Variants in KSR1 observed in about 807,000 individuals in gnomAD.
KSR1 encodes kinase suppressor of ras.
KSR1 carries 35 observed loss-of-function variants against 92.9 expected under a neutral mutation model. The observed-to-expected ratio is 0.38, with a 90% CI of 0.29 to 0.50. The LOEUF (loss-of-function observed/expected upper bound fraction) is 0.50. Ranked by LOEUF, KSR1 falls within the 20% of genes least tolerant of loss-of-function variation. KSR1 has a pLI of 0.94. For synonymous variants in KSR1, 467 were observed against 472.6 expected (o/e 0.99, Z 0.15); for missense variants, 972 against 1,158.5 (o/e 0.84, Z 2.34).
chr17:27,529,872 G>C (rs1479752219), intron 1 of KSR1, among the ~76,000 whole-genome samples: 1 of 152,162 alleles, frequency 6.6e-6, no homozygotes, highest in Non-Finnish European at 1.5e-5. Context: ...CCTTGTCAAA[G>C]ACACTTTTGC....
chr17:27,504,625 C>T lies in KSR1; in HGVS notation c.232-45943C>T, dbSNP rs190779779. ...TGAGTTTCACATGGGCAGGAAGCACCGCAGTCCTGAGGGACTCCATGAGGG... is the reference window on the plus strand; with the variant it reads ...TGAGTTTCACATGGGCAGGAAGCACTGCAGTCCTGAGGGACTCCATGAGGG... On this transcript the variant is annotated intron_variant, in intron 1 of 20. Transcript: ENST00000644974. Among the ~76,000 whole-genome samples, 323 of 152,256 alleles carry T rather than the reference C, an allele frequency of 2.1e-3. 6 individuals carry two copies. Among genetic ancestry groups the T allele is most frequent in the Admixed American group, 1.5e-3 (23 of 15,290 alleles).
intron 14 of KSR1, among the ~76,000 whole-genome samples, chr17:27,607,113 T>C (rs2073779197): frequency 6.6e-6 from 1 of 152,166 alleles, no homozygotes; most frequent in African/African-American, 2.4e-5. Flanking sequence ...ATTACAGGCG[T>C]GAGCCACTGT....
Position 27,499,331 on chromosome 17 carries a change from T to G in KSR1, c.231+42457T>G, listed in dbSNP as rs564024096. ...CCTAGGACTTATTTTCCTGGGCACT[T>G]GGGAACCTGGTTATTACCATCACAG... On this transcript the variant is annotated intron_variant, in intron 1 of 20. Coordinates refer to ENST00000644974, the MANE Select transcript of KSR1 (RefSeq NM_001394583.1). Among the ~76,000 whole-genome samples the G allele has an allele frequency of 1.2e-4, 18 of 152,302 alleles. 1 individual carries two copies. Among genetic ancestry groups the G allele is most frequent in the African/African-American group, 4.3e-4 (18 of 41,554 alleles).
chr17:27,611,673 G>A (rs1567889717), intron 18 of KSR1, 44 bp downstream of exon 18: 1 of 1,611,146 alleles, frequency 6.2e-7, no homozygotes, highest in Non-Finnish European at 8.5e-7. Flanking sequence ...GCTGGAGGTG[G>A]GGTGGGGCAT....
At chr17:27,458,408 CTG>C (rs2019282028) in intron 1 of KSR1, among the ~76,000 whole-genome samples, 1 of 152,204 alleles carries the variant, frequency 6.6e-6, no homozygotes, top group East Asian at 1.9e-4. Flanking sequence ...AGAATGCTCT[CTG>C]TGTTGGCCTC....
chr17:27,500,836 C>T (rs960409854), intron 1 of KSR1, among the ~76,000 whole-genome samples: 1 of 152,110 alleles, frequency 6.6e-6, no homozygotes. Context: ...GGGTCCGGAC[C>T]CTGACTCTGC....
At chr17:27,484,502 G>A (rs1004518409) in intron 1 of KSR1, among the ~76,000 whole-genome samples, 5 of 152,206 alleles carry the variant, frequency 3.3e-5, no homozygotes, top group East Asian at 1.9e-4. Context: ...CATTACAGGC[G>A]TGAGCCACCA....
At chr17:27,481,457 A>G (rs769376355) in intron 1 of KSR1, among the ~76,000 whole-genome samples, 1 of 152,262 alleles carries the variant, frequency 6.6e-6, no homozygotes, top group Non-Finnish European at 1.5e-5. Context: ...CATACGTGCC[A>G]TATTTTAGCT....
chr17:27,493,088 A>C (rs990958611), intron 1 of KSR1, among the ~76,000 whole-genome samples: 1 of 152,208 alleles, frequency 6.6e-6, no homozygotes, highest in Non-Finnish European at 1.5e-5. Context: ...CATTCTGCTG[A>C]TGATGATCAT....
Position 27,609,159 on chromosome 17 carries a change from C to T in KSR1, c.2092-37C>T, listed in dbSNP as rs745619063. The stretch of plus-strand genomic sequence containing the variant: ...CAGCCCAGGGTGGCACCTCCGTCAT[C>T]GTTGCACATCTTCACTCCTCCTGAT... On this transcript the variant is annotated intron_variant, in intron 15 of 20. Coordinates refer to ENST00000644974, the MANE Select transcript of KSR1 (RefSeq NM_001394583.1). 2.8e-5 allele frequency: 45 copies of T among 1,594,512 alleles called. No homozygotes were observed. The East Asian group carries it at 8.3e-4, about 30-fold the overall frequency.
chr17:27,501,480 C>T (rs1439057782), intron 1 of KSR1, among the ~76,000 whole-genome samples: 1 of 151,806 alleles, frequency 6.6e-6, no homozygotes, highest in Non-Finnish European at 1.5e-5. Context: ...CAGAGACCTT[C>T]GTGGCAGCCT....
intron 1 of KSR1, among the ~76,000 whole-genome samples, chr17:27,484,504 G>T (rs1371013596): frequency 6.6e-6 from 1 of 152,214 alleles, no homozygotes; most frequent in East Asian, 1.9e-4. Context: ...TTACAGGCGT[G>T]AGCCACCATA....
At chr17:27,527,143 C>T in intron 1 of KSR1, 1 of 289,358 alleles carries the variant, frequency 3.5e-6, no homozygotes, top group Non-Finnish European at 7.0e-6. Context: ...CATATTTGTA[C>T]TTTTCTACTA....
Position 27,610,576 on chromosome 17 carries a change from G to A in KSR1, c.2357+378G>A, listed in dbSNP as rs73274065. 1.6e-3 allele frequency among the ~76,000 whole-genome samples: 238 copies of A among 152,246 alleles called. 3 individuals carry two copies. Among genetic ancestry groups the A allele is most frequent in the African/African-American group, 5.3e-3 (219 of 41,538 alleles). The stretch of plus-strand genomic sequence containing the variant: ...TCTGGGGGAGCTGGATATCCTGCCG[G>A]CTCTGCTACCCCACAAAGACCTGGG... On this transcript the variant is annotated intron_variant, in intron 17 of 20. Transcript: ENST00000644974.
chr17:27,479,828 T>C (rs559710218), intron 1 of KSR1, among the ~76,000 whole-genome samples: 2 of 152,228 alleles, frequency 1.3e-5, no homozygotes, highest in East Asian at 1.9e-4. Flanking sequence ...TGCTGTGGCA[T>C]GAGAATGACT....
chr17:27,607,420 C>A (rs1323395192), intron 14 of KSR1, among the ~76,000 whole-genome samples: 1 of 152,134 alleles, frequency 6.6e-6, no homozygotes. Context: ...CTTGACGCCC[C>A]TAACATCTAC....
chr17:27,611,596 C>T lies in KSR1; in HGVS notation c.2460C>T (p.Val820=). 6.2e-7 allele frequency: 1 copy of T among 1,613,800 alleles called. No individual in the cohort carries two copies. The highest frequency in any genetic ancestry group is 8.5e-7 in the Non-Finnish European group (1 of 1,179,786). The stretch of plus-strand genomic sequence containing the variant: ...GAAGCGGGGAAGGAATGAAGCGTGT[C>T]CTGACTTCTGTCAGCTTGGGGAAGG... The part of the protein sequence containing the change: ...QIGSGEGMKR[V]LTSVSLGKEV... The change falls in exon 18 of 21, where the codon GTC becomes GTT. Residue 820 remains valine (V), a synonymous_variant. Coordinates refer to ENST00000644974, the MANE Select transcript of KSR1 (RefSeq NM_001394583.1).
chr17:27,609,387 C>G, intron 16 of KSR1, 58 bp downstream of exon 16: 1 of 1,600,640 alleles, frequency 6.2e-7, no homozygotes, highest in Admixed American at 1.7e-5. Context: ...AAGAGCAGGG[C>G]TGAGGTCTGG....
rs540614948 is a variant in KSR1, at chr17:27,526,934, G to A, written c.232-23634G>A. 344 of 605,294 alleles carry A rather than the reference G, an allele frequency of 5.7e-4. 5 individuals carry two copies. In the South Asian group the frequency reaches 6.6e-3, roughly 12 times the overall value. 37.5% of individuals were successfully genotyped at this position (605,294 alleles called of 1,614,324 possible). Reference sequence around the variant, plus strand: ...CTTGGTTACTCAGGAGGGGGCTGACGCTCCCTTTCACCTTCTCTCTCCTTT... The same window carrying A: ...CTTGGTTACTCAGGAGGGGGCTGACACTCCCTTTCACCTTCTCTCTCCTTT... On this transcript the variant is annotated intron_variant, in intron 1 of 20. Transcript: ENST00000644974.
Sources: allele counts gnomAD v4.1 joint callset (sites outside exome capture counted in the v4.1 genomes callset), GRCh38; gene constraint gnomAD v4.1.1; transcripts MANE v1.5; gene names NCBI Gene and HGNC (gene_info 2026-07-23, HGNC 2026-07-21).